Variants in GNA12 observed in about 807,000 individuals in gnomAD.
The protein encoded by GNA12 is guanine nucleotide-binding protein subunit alpha-12.
In GNA12, 9 loss-of-function variants were observed where a neutral mutation model predicts 26.0. The ratio of observed to expected loss-of-function variants is 0.35; its 90% CI spans 0.21 to 0.60. The LOEUF (loss-of-function observed/expected upper bound fraction) is 0.60, where lower values mean the gene tolerates loss of function less well. Ranked by LOEUF, GNA12 falls within the 20% of genes least tolerant of loss-of-function variation. GNA12 has a pLI of 0.78. For synonymous variants in GNA12, 264 were observed against 219.6 expected, an observed-to-expected ratio of 1.20 and a Z score of -1.79; for missense variants, 405 against 525.8, an observed-to-expected ratio of 0.77 and a Z score of 2.25.
chr7:2,826,421 T>C (rs1793487628), intron 1 of GNA12, among the ~76,000 whole-genome samples: 1 of 148,926 alleles, frequency 6.7e-6, no homozygotes. Context: ...ACTTGTACCA[T>C]ATAATCCAGC....
chr7:2,835,067 G>C (rs1379876180), intron 1 of GNA12, among the ~76,000 whole-genome samples: 1 of 152,174 alleles, frequency 6.6e-6, no homozygotes, highest in East Asian at 1.9e-4. Context: ...GGATGGTTAG[G>C]ACTTCTAGTC....
At chr7:2,764,418 T>C (rs1791716464) in intron 2 of GNA12, among the ~76,000 whole-genome samples, 1 of 152,064 alleles carries the variant, frequency 6.6e-6, no homozygotes, top group Non-Finnish European at 1.5e-5. Flanking sequence ...GTACATCTGA[T>C]ATTGCTGACC....
intron 1 of GNA12, among the ~76,000 whole-genome samples, chr7:2,812,838 G>C (rs1029089681): frequency 6.6e-6 from 1 of 152,110 alleles, no homozygotes; most frequent in Non-Finnish European, 1.5e-5. Flanking sequence ...GAGAAAGTTG[G>C]TAAACAAAGC....
At chr7:2,825,040 G>A (rs141630573) in intron 1 of GNA12, among the ~76,000 whole-genome samples, 2 of 152,282 alleles carry the variant, frequency 1.3e-5, no homozygotes, top group East Asian at 1.9e-4. Context: ...CCTAGATCTC[G>A]CTCTGGGTAG....
At chr7:2,775,659 G>A (rs920008709) in intron 2 of GNA12, among the ~76,000 whole-genome samples, 2 of 152,160 alleles carry the variant, frequency 1.3e-5, no homozygotes, top group Admixed American at 6.5e-5. Flanking sequence ...CTAACGTGAC[G>A]GGCTTTCTTA....
At chr7:2,819,617 C>G (rs1475812033) in intron 1 of GNA12, among the ~76,000 whole-genome samples, 1 of 152,158 alleles carries the variant, frequency 6.6e-6, no homozygotes, top group African/African-American at 2.4e-5. Context: ...GGCAAAGGAT[C>G]TGTATAGCCA....
At chr7:2,734,941 C>T (rs1261805028) in intron 2 of GNA12, among the ~76,000 whole-genome samples, 1 of 152,162 alleles carries the variant, frequency 6.6e-6, no homozygotes, top group African/African-American at 2.4e-5. Context: ...ACTGACCTCT[C>T]GTGCCTGCTC....
At chr7:2,748,325 G>C (rs1790867097) in intron 2 of GNA12, among the ~76,000 whole-genome samples, 1 of 152,132 alleles carries the variant, frequency 6.6e-6, no homozygotes, top group African/African-American at 2.4e-5. Context: ...TAGACCAATG[G>C]AACAGAACAG....
intron 2 of GNA12, among the ~76,000 whole-genome samples, chr7:2,746,019 G>A (rs548615261): frequency 8.4e-4 from 128 of 152,228 alleles, no homozygotes; most frequent in African/African-American, 2.9e-3. Flanking sequence ...GATTCATAAA[G>A]CAAGTCCTGA....
chr7:2,840,119 G>A (rs763590778), intron 1 of GNA12, among the ~76,000 whole-genome samples: 8 of 152,164 alleles, frequency 5.3e-5, no homozygotes, highest in Non-Finnish European at 1.2e-4. Context: ...TGACTGTATC[G>A]ACGTCAATAT....
intron 2 of GNA12, among the ~76,000 whole-genome samples, chr7:2,755,960 T>C (rs951349659): frequency 3.9e-5 from 6 of 152,180 alleles, no homozygotes; most frequent in South Asian, 2.1e-4. Flanking sequence ...TTGGTAGAAA[T>C]TGACAAGCTC....
chr7:2,788,607 G>A (rs1404654361), intron 2 of GNA12, among the ~76,000 whole-genome samples: 1 of 152,222 alleles, frequency 6.6e-6, no homozygotes, highest in Non-Finnish European at 1.5e-5. Flanking sequence ...GATGCTACCG[G>A]CCTGCTCACA....
chr7:2,758,781 TGC>T (rs1791419555), intron 2 of GNA12, among the ~76,000 whole-genome samples: 1 of 152,188 alleles, frequency 6.6e-6, no homozygotes, highest in Non-Finnish European at 1.5e-5. Flanking sequence ...GATAATCAAG[TGC>T]AGTTTACTCA....
intron 2 of GNA12, among the ~76,000 whole-genome samples, chr7:2,779,585 C>T (rs1214904558): frequency 6.6e-6 from 1 of 151,780 alleles, no homozygotes; most frequent in East Asian, 1.9e-4. Flanking sequence ...ATTATAAAAA[C>T]ACTTCATTTT....
intron 2 of GNA12, among the ~76,000 whole-genome samples, chr7:2,775,727 G>A (rs944006667): frequency 1.3e-5 from 2 of 152,176 alleles, no homozygotes; most frequent in African/African-American, 2.4e-5. Context: ...GCCAGGCTCC[G>A]AATCACGTCA....
intron 2 of GNA12, among the ~76,000 whole-genome samples, chr7:2,752,788 TAGAGAGGTATAGGTG>T (rs1439434823): frequency 1.3e-5 from 2 of 152,222 alleles, no homozygotes; most frequent in Admixed American, 1.3e-4. Flanking sequence ...AAAGATTGCC[TAGAGAGGTATAGGTG>T]GACCTGCCAT....
At chr7:2,842,282 G>A (rs756034158) in intron 1 of GNA12, among the ~76,000 whole-genome samples, 3 of 152,054 alleles carry the variant, frequency 2.0e-5, no homozygotes, top group Non-Finnish European at 2.9e-5. Flanking sequence ...ACGGTACTGA[G>A]AGACTGGAAC....
chr7:2,750,102 C>T (rs1451875099), intron 2 of GNA12, among the ~76,000 whole-genome samples: 1 of 152,102 alleles, frequency 6.6e-6, no homozygotes, highest in Non-Finnish European at 1.5e-5. Flanking sequence ...GATGCTATAC[C>T]ACACACTTCT....
intron 2 of GNA12, among the ~76,000 whole-genome samples, chr7:2,745,759 T>G (rs545793583): frequency 2.2e-3 from 333 of 152,308 alleles, no homozygotes; most frequent in African/African-American, 7.1e-3. Context: ...ATCAGTGTGC[T>G]GTATTCAGGA....
Sources: allele counts gnomAD v4.1 joint callset (sites outside exome capture counted in the v4.1 genomes callset), GRCh38; gene constraint gnomAD v4.1.1; transcripts MANE v1.5; gene names NCBI Gene and HGNC (gene_info 2026-07-23, HGNC 2026-07-21).